The following ADAM22 variants were observed in gnomAD, a reference collection of about 807,000 sequenced individuals.
The protein encoded by ADAM22 is ADAM metallopeptidase domain 22, also known as disintegrin and metalloproteinase domain-containing protein 22.
ADAM22 carries 65 observed loss-of-function variants against 144.6 expected under a neutral mutation model. That is an observed-to-expected ratio of 0.45 (90% CI 0.37 to 0.55). The LOEUF is 0.55. Among genes scored for constraint, ADAM22 ranks in the 20% least tolerant of loss-of-function variants. The pLI is 0.00. For missense variants in ADAM22, 974 were observed against 1,184.9 expected (o/e 0.82, Z 2.61); for synonymous variants, 391 against 412.6 (o/e 0.95, Z 0.63).
intron 3 of ADAM22, among the ~76,000 whole-genome samples, chr7:88,069,427 A>T (rs1206716357): frequency 6.6e-6 from 1 of 152,140 alleles, no homozygotes; most frequent in African/African-American, 2.4e-5. Context: ...CACAAAACAG[A>T]CTAAGACACA....
At chr7:87,948,865 T>C (rs1197439145) in intron 2 of ADAM22, among the ~76,000 whole-genome samples, 1 of 152,194 alleles carries the variant, frequency 6.6e-6, no homozygotes, top group Admixed American at 6.5e-5. Context: ...ATATTCACTA[T>C]TGTTTGTGCA....
chr7:88,016,479 TA>T (rs1360558092), intron 3 of ADAM22, among the ~76,000 whole-genome samples: 1 of 152,228 alleles, frequency 6.6e-6, no homozygotes, highest in East Asian at 1.9e-4. Context: ...AAAATTATGT[TA>T]TTTTTGAATT....
chr7:87,974,571 G>T (rs1280104172), intron 2 of ADAM22, among the ~76,000 whole-genome samples: 1 of 152,164 alleles, frequency 6.6e-6, no homozygotes, highest in Non-Finnish European at 1.5e-5. Context: ...GCCAAACTGT[G>T]GAGGAAAGTG....
At chr7:88,113,119 C>CTTTTTTTTTTTT (rs34323035) in intron 5 of ADAM22, among the ~76,000 whole-genome samples, 2 of 79,000 alleles carry the variant, frequency 2.5e-5, no homozygotes, top group Non-Finnish European at 4.5e-5. Flanking sequence ...TGCCTGCCCT[C>CTTTTTTTTTTTT]TTTTTTTTTT....
At position 88,201,001 on chromosome 7, in the gene ADAM22, A is replaced by G. The variant is rs1239766376; in HGVS notation, c.*4510A>G. The stretch of plus-strand genomic sequence containing the variant: ...AGTACACCTGCTGGGAATTGTTGGC[A>G]CATGCTCATAGCATATGCTCTGTGG... On this transcript the variant is annotated 3_prime_UTR_variant, in exon 32 of 32. Transcript: ENST00000413139. 9.2e-5 allele frequency: 14 copies of G among 152,350 alleles called. No homozygotes were observed. The highest frequency in any genetic ancestry group is 3.1e-4 in the African/African-American group (13 of 41,582). The allele number at this position is 152,350 out of a possible 1,614,324, so 9.4% of individuals were successfully genotyped here.
chr7:87,937,053 C>T (rs919805363), intron 2 of ADAM22, among the ~76,000 whole-genome samples: 3 of 152,002 alleles, frequency 2.0e-5, no homozygotes, highest in Non-Finnish European at 4.4e-5. Context: ...CCTCTTGGGC[C>T]CCAGTGATCC....
chr7:88,115,427 A>G (rs1827518916), intron 6 of ADAM22, among the ~76,000 whole-genome samples: 1 of 152,168 alleles, frequency 6.6e-6, no homozygotes, highest in African/African-American at 2.4e-5. Flanking sequence ...AGTTCTGGGC[A>G]CTGAAAGTCC....
At chr7:88,101,824 A>G (rs1374876655) in intron 4 of ADAM22, among the ~76,000 whole-genome samples, 1 of 152,230 alleles carries the variant, frequency 6.6e-6, no homozygotes, top group East Asian at 1.9e-4. Flanking sequence ...AGTTGTTCTC[A>G]AACTTTAGAA....
At chr7:88,055,805 C>G (rs1031538202) in intron 3 of ADAM22, among the ~76,000 whole-genome samples, 1 of 152,142 alleles carries the variant, frequency 6.6e-6, no homozygotes, top group African/African-American at 2.4e-5. Flanking sequence ...TTTATGTGCC[C>G]TTTTAATTGT....
At chr7:87,953,392 G>C (rs947123747) in intron 2 of ADAM22, among the ~76,000 whole-genome samples, 1 of 152,060 alleles carries the variant, frequency 6.6e-6, no homozygotes, top group African/African-American at 2.4e-5. Context: ...CCTTCATTTC[G>C]TTATGTATCC....
At chr7:88,176,403 A>T (rs1168484629) in intron 26 of ADAM22, among the ~76,000 whole-genome samples, 1 of 152,202 alleles carries the variant, frequency 6.6e-6, no homozygotes, top group African/African-American at 2.4e-5. Flanking sequence ...TGCTCAACCT[A>T]ATGAAAACAA....
At chr7:88,002,528 C>G (rs1211696980) in intron 3 of ADAM22, among the ~76,000 whole-genome samples, 1 of 152,152 alleles carries the variant, frequency 6.6e-6, no homozygotes, top group African/African-American at 2.4e-5. Context: ...GATCACTAAA[C>G]AAGATACTGT....
At chr7:87,996,574 A>G (rs1421256454) in intron 3 of ADAM22, among the ~76,000 whole-genome samples, 1 of 152,212 alleles carries the variant, frequency 6.6e-6, no homozygotes, top group East Asian at 1.9e-4. Flanking sequence ...GGAGACAAGC[A>G]TTCAGTTCAT....
intron 14 of ADAM22, among the ~76,000 whole-genome samples, chr7:88,139,458 A>AT (rs60054504): frequency 1.6e-4 from 24 of 151,854 alleles, no homozygotes; most frequent in African/African-American, 5.5e-4. Flanking sequence ...AAATAAATAA[A>AT]AGGAGGGGCT....
chr7:88,059,937 G>A (rs1429580128), intron 3 of ADAM22, among the ~76,000 whole-genome samples: 1 of 151,784 alleles, frequency 6.6e-6, no homozygotes, highest in Admixed American at 6.6e-5. Flanking sequence ...TTGGTTGAGG[G>A]GTTCAGTAAA....
intron 2 of ADAM22, among the ~76,000 whole-genome samples, chr7:87,956,247 G>A (rs976133013): frequency 1.1e-4 from 16 of 152,162 alleles, no homozygotes; most frequent in Non-Finnish European, 1.5e-4. Flanking sequence ...GTAGACCGGA[G>A]CTGTTCCTAT....
intron 14 of ADAM22, 101 bp downstream of exon 14, chr7:88,136,132 G>C: frequency 1.0e-6 from 1 of 986,766 alleles, no homozygotes; most frequent in South Asian, 2.4e-5. Flanking sequence ...ATGGAATCTA[G>C]CACTTATAAA....
At chr7:87,952,007 G>A (rs1439634684) in intron 2 of ADAM22, among the ~76,000 whole-genome samples, 77 of 149,638 alleles carry the variant, frequency 5.1e-4, no homozygotes, top group East Asian at 5.0e-3. Context: ...CTGAGACTTT[G>A]CTGAAGTTGC....
chr7:88,069,098 C>A (rs1373452341), intron 3 of ADAM22, among the ~76,000 whole-genome samples: 1 of 151,806 alleles, frequency 6.6e-6, no homozygotes, highest in African/African-American at 2.4e-5. Context: ...GTGCTCTCCC[C>A]CTCTCTCTCT....
Sources: gnomAD v4.1 joint callset for allele counts (sites outside exome capture counted in the v4.1 genomes callset) on GRCh38, gnomAD v4.1.1 for gene constraint, MANE v1.5 for transcripts, NCBI Gene and HGNC (gene_info 2026-07-23, HGNC 2026-07-21) for gene names.